The following IBA57 variants were observed in gnomAD, a reference collection of about 807,000 sequenced individuals.
IBA57 encodes iron-sulfur cluster assembly factor IBA57, mitochondrial.
A neutral mutation model predicts 20.4 loss-of-function variants in IBA57; 20 were observed. The observed-to-expected ratio is 0.98, with a 90% CI of 0.69 to 1.42. The LOEUF (loss-of-function observed/expected upper bound fraction) is 1.42. Ranked by LOEUF, IBA57 falls within the 40% of genes most tolerant of loss-of-function variation. The pLI is 0.00. For synonymous variants in IBA57, 310 were observed against 233.9 expected, an observed-to-expected ratio of 1.33 and a Z score of -2.97; for missense variants, 608 against 499.3, an observed-to-expected ratio of 1.22 and a Z score of -2.07.
rs999576080 is a variant in IBA57, at chr1:228,169,255, C to A, written c.341+3098C>A. ...TCTGGTCATTCCCTGCCCATCATTC[C>A]TTTATGGTTTTTTCCTGACTGTAGG... is the stretch of plus-strand genomic sequence containing the variant. On this transcript the variant is annotated intron_variant, in intron 1 of 2. Coordinates refer to ENST00000366711, the MANE Select transcript of IBA57 (RefSeq NM_001010867.4). 7.2e-5 allele frequency among the ~76,000 whole-genome samples: 11 copies of A among 152,162 alleles called. No homozygotes were observed. The South Asian group carries it at 1.2e-3, about 17-fold the overall frequency.
rs772067451 is a variant in IBA57, at chr1:228,174,776, A to G, written c.426A>G (p.Leu142=). 4.1e-5 allele frequency: 66 copies of G among 1,610,402 alleles called. No homozygotes were observed. Among genetic ancestry groups the G allele is most frequent in the Admixed American group, 6.7e-5 (4 of 59,888 alleles). Residue 142 remains leucine (L), a synonymous_variant, in exon 2 of 3, where the codon CTA becomes CTG. Coordinates refer to ENST00000366711, the MANE Select transcript of IBA57 (RefSeq NM_001010867.4). The part of the protein sequence containing the change: ...VQGALQKHLA[L]YRIRRKVTVE... ...GCGCGCTGCAGAAGCACCTCGCGCTATACAGGATCCGGCGGAAGGTCACGG... is the reference window on the plus strand; with the variant it reads ...GCGCGCTGCAGAAGCACCTCGCGCTGTACAGGATCCGGCGGAAGGTCACGG...
chr1:228,166,743 C>T (rs980741940), intron 1 of IBA57, among the ~76,000 whole-genome samples: 2 of 152,214 alleles, frequency 1.3e-5, no homozygotes, highest in Non-Finnish European at 2.9e-5. Flanking sequence ...CATGCCGGGT[C>T]AGGGCCTTGA....
Position 228,176,626 on chromosome 1 carries a change from G to C in IBA57, c.*1113G>C, listed in dbSNP as rs142744161. On this transcript the variant is annotated 3_prime_UTR_variant, in exon 3 of 3. Transcript: ENST00000366711. The stretch of plus-strand genomic sequence containing the variant: ...CTGTCGGCTGCAGGGCGCAGGGCCT[G>C]GGGGGCAGGCGTTTGGGCCACCAAG... 1 of 152,532 alleles carries C rather than the reference G, an allele frequency of 6.6e-6. No individual in the cohort carries two copies. Among genetic ancestry groups the C allele is most frequent in the East Asian group, 1.9e-4 (1 of 5,188 alleles). 9.4% of individuals were successfully genotyped at this position (152,532 alleles called of 1,614,324 possible). A position where few individuals can be genotyped will look rare whatever the true frequency, so the allele number is the denominator to read the frequency against.
chr1:228,174,993 G>C lies in IBA57; in HGVS notation c.643G>C (p.Asp215His). Residue 215 changes from aspartate to histidine, a missense_variant, in exon 2 of 3, where the codon GAC (aspartate) becomes CAC (histidine). Physicochemically the swap from Asp to His is moderately conservative, Grantham distance 81. Transcript: ENST00000366711. ...CCTGGTGCCCGGGGGCCGGCTCGGGGACTTGTGGGATTATCACCAGCACCG... is the reference window on the plus strand; with the variant it reads ...CCTGGTGCCCGGGGGCCGGCTCGGGCACTTGTGGGATTATCACCAGCACCG... ...PALVPGGRLG[D>H]LWDYHQHRYL... 6.5e-7 allele frequency: 1 copy of C among 1,548,662 alleles called. No individual in the cohort carries two copies. Among genetic ancestry groups the C allele is most frequent in the East Asian group, 2.3e-5 (1 of 44,148 alleles).
chr1:228,181,430 C>T lies in IBA57; in HGVS notation c.*5917C>T, dbSNP rs964170601. 1.3e-5 allele frequency: 2 copies of T among 152,332 alleles called. No individual in the cohort carries two copies. Among genetic ancestry groups the T allele is most frequent in the Non-Finnish European group, 2.9e-5 (2 of 68,132 alleles). 9.4% of individuals were successfully genotyped at this position (152,332 alleles called of 1,614,324 possible). A position where few individuals can be genotyped will look rare whatever the true frequency, so the allele number is the denominator to read the frequency against. ...TCCATCAGGGCTCACCTGGAGCCGTCCCTGTCTCACCTGGAAGCTCTCCCA... is the reference window on the plus strand; with the variant it reads ...TCCATCAGGGCTCACCTGGAGCCGTTCCTGTCTCACCTGGAAGCTCTCCCA... On this transcript the variant is annotated 3_prime_UTR_variant, in exon 3 of 3. Transcript: ENST00000366711.
At chr1:228,166,201 G>T in intron 1 of IBA57, 44 bp downstream of exon 1, 1 of 1,360,556 alleles carries the variant, frequency 7.3e-7, no homozygotes, top group Non-Finnish European at 9.6e-7. Context: ...GCACCCAGGG[G>T]AGTGGCCAGG....
In IBA57 at chr1:228,165,807, C is replaced by G. The variant is rs766551822; in HGVS notation, c.-10C>G. On this transcript the variant is annotated 5_prime_UTR_variant, in exon 1 of 3. Coordinates refer to ENST00000366711, the MANE Select transcript of IBA57 (RefSeq NM_001010867.4). ...CTTGGGCCCTTCCCGCTGCCCCACT[C>G]TTGTCCAAGATGGCGACCGCGGCGC... 45 of 1,294,280 alleles carry G rather than the reference C, an allele frequency of 3.5e-5. No individual in the cohort carries two copies. Among genetic ancestry groups the G allele is most frequent in the Non-Finnish European group, 4.3e-5 (44 of 1,024,956 alleles). The allele number at this position is 1,294,280 out of a possible 1,614,324, so 80.2% of individuals were successfully genotyped here.
At chr1:228,173,264 G>C (rs1035499168) in intron 1 of IBA57, 1 of 152,634 alleles carries the variant, frequency 6.6e-6, no homozygotes, top group African/African-American at 2.4e-5. Context: ...TCTTGGGCTT[G>C]TCTCTGGAAG....
chr1:228,165,998 T>C lies in IBA57; in HGVS notation c.182T>C (p.Val61Ala). The C allele has an allele frequency of 4.6e-6, 7 of 1,528,830 alleles. No homozygotes were observed. The highest frequency in any genetic ancestry group is 3.6e-5 in the South Asian group (3 of 82,692). The allele number at this position is 1,528,830 out of a possible 1,614,324, so 94.7% of individuals were successfully genotyped here. A position where few individuals can be genotyped will look rare whatever the true frequency, so the allele number is the denominator to read the frequency against. The change falls in exon 1 of 3, where the codon GTG (valine) becomes GCG (alanine). Residue 61 changes from valine to alanine, a missense_variant. By Grantham distance (64) the Val-to-Ala change is moderately conservative (BLOSUM62 0). Coordinates refer to ENST00000366711, the MANE Select transcript of IBA57 (RefSeq NM_001010867.4). Reference sequence around the variant, plus strand: ...CTGGACGGGCGCACCCTGCTGCGCGTGCGTGGCCCCGACGCGGCGCCCTTC... The same window carrying C: ...CTGGACGGGCGCACCCTGCTGCGCGCGCGTGGCCCCGACGCGGCGCCCTTC... Reference protein sequence around the residue: ...FRLDGRTLLRVRGPDAAPFLL... With the variant: ...FRLDGRTLLRARGPDAAPFLL...
rs56835417 is a variant in IBA57 at position 228,167,355 on chromosome 1, C to CTT, written c.341+1215_341+1216dup. Among the ~76,000 whole-genome samples the CTT allele has an allele frequency of 2.0e-3, 252 of 123,604 alleles. 1 individual carries two copies. The East Asian group carries it at 0.033, about 16-fold the overall frequency. The allele number at this position is 123,604 out of a possible 152,430, so 81.1% of individuals were successfully genotyped here. A position where few individuals can be genotyped will look rare whatever the true frequency, so the allele number is the denominator to read the frequency against. ...TTGGATTCCAGGTGGTCTGGGGCTT[C>CTT]TTTTTTTTTTTTTTTTTTGAGACGG... On this transcript the variant is annotated intron_variant, in intron 1 of 2. Coordinates refer to ENST00000366711, the MANE Select transcript of IBA57 (RefSeq NM_001010867.4).
rs112980467 is a variant in IBA57 at position 228,176,764 on chromosome 1, G to C, written c.*1251G>C. Reference sequence around the variant, plus strand: ...GCAGCCATGGCGGTTTTGGGGTCAGGGGTCTAAAGGCAGCTCTGAGCTGCA... The same window carrying C: ...GCAGCCATGGCGGTTTTGGGGTCAGCGGTCTAAAGGCAGCTCTGAGCTGCA... On this transcript the variant is annotated 3_prime_UTR_variant, in exon 3 of 3. Coordinates refer to ENST00000366711, the MANE Select transcript of IBA57 (RefSeq NM_001010867.4). 3 of 152,340 alleles carry C rather than the reference G, an allele frequency of 2.0e-5. No individual in the cohort carries two copies. The highest frequency in any genetic ancestry group is 4.4e-5 in the Non-Finnish European group (3 of 68,126). The allele number at this position is 152,340 out of a possible 1,614,324, so 9.4% of individuals were successfully genotyped here.
intron 1 of IBA57, 89 bp from the exon 2 acceptor site, chr1:228,174,603 C>T: frequency 7.9e-7 from 1 of 1,268,504 alleles, no homozygotes; most frequent in Non-Finnish European, 1.1e-6. Flanking sequence ...GTGTGCTCCT[C>T]TGCCCGGGTA....
At position 228,178,766 on chromosome 1, in the gene IBA57, C is replaced by T. The variant is rs866718866; in HGVS notation, c.*3253C>T. 27 of 152,256 alleles carry T rather than the reference C, an allele frequency of 1.8e-4. No individual in the cohort carries two copies. Among genetic ancestry groups the T allele is most frequent in the African/African-American group, 6.3e-4 (26 of 41,456 alleles). 9.4% of individuals were successfully genotyped at this position (152,256 alleles called of 1,614,324 possible). A position where few individuals can be genotyped will look rare whatever the true frequency, so the allele number is the denominator to read the frequency against. On this transcript the variant is annotated 3_prime_UTR_variant, in exon 3 of 3. Transcript: ENST00000366711. ...ATCTTCTAATCCCCAAGGAGACAAG[C>T]TCCCTGTTCTGTGTTCTTGTATGAG...
At chr1:228,171,013 C>T (rs1053594333) in intron 1 of IBA57, among the ~76,000 whole-genome samples, 5 of 152,192 alleles carry the variant, frequency 3.3e-5, no homozygotes, top group Admixed American at 1.3e-4. Flanking sequence ...CTTCTGGGCT[C>T]AGCAAACAAA....
chr1:228,165,858 C>T lies in IBA57; in HGVS notation c.42C>T (p.Arg14=). ...TGCTTCGAGGCGCCACTCCGGGGCG[C>T]GGCGGCCCGGTCTGGCGCTGGCGGC... The part of the protein sequence containing the change: ...AALLRGATPG[R]GGPVWRWRLR... The change falls in exon 1 of 3, where the codon CGC becomes CGT. Residue 14 remains arginine (R), a synonymous_variant. Transcript: ENST00000366711. The T allele has an allele frequency of 7.6e-7, 1 of 1,309,120 alleles. No homozygotes were observed. The highest frequency in any genetic ancestry group is 3.1e-5 in the East Asian group (1 of 31,976). 81.1% of individuals were successfully genotyped at this position (1,309,120 alleles called of 1,614,324 possible).
rs1365509052 is a variant in IBA57, at chr1:228,182,180, AT to A, written c.*6669del. On this transcript the variant is annotated 3_prime_UTR_variant, in exon 3 of 3. Coordinates refer to ENST00000366711, the MANE Select transcript of IBA57 (RefSeq NM_001010867.4). ...CTGAGCTCTGGTCCATCTTTCATTG[AT>A]TCATTCATTTCTTCATTCATTCAAC... 7.3e-6 allele frequency: 1 copy of A among 136,698 alleles called. No homozygotes were observed. The highest frequency in any genetic ancestry group is 2.2e-4 in the East Asian group (1 of 4,500). The allele number at this position is 136,698 out of a possible 1,614,324, so 8.5% of individuals were successfully genotyped here.
At position 228,166,031 on chromosome 1, in the gene IBA57, G is replaced by A. The variant is rs1420144150; in HGVS notation, c.215G>A (p.Gly72Glu). ...RGPDAAPFLL[G>E]LLTNELPLPS... ...CCCGACGCGGCGCCCTTCCTGCTAG[G>A]GCTGCTGACCAATGAACTGCCGCTT... The change falls in exon 1 of 3, where the codon GGG (glycine) becomes GAG (glutamate). Residue 72 changes from glycine to glutamate, a missense_variant. By Grantham distance (98) the Gly-to-Glu change is moderately conservative. Coordinates refer to ENST00000366711, the MANE Select transcript of IBA57 (RefSeq NM_001010867.4). 1.3e-6 allele frequency: 2 copies of A among 1,537,796 alleles called. No individual in the cohort carries two copies. The highest frequency in any genetic ancestry group is 3.9e-5 in the Admixed American group (2 of 51,290).
chr1:228,170,552 C>G lies in IBA57; in HGVS notation c.342-4140C>G, dbSNP rs553964226. On this transcript the variant is annotated intron_variant, in intron 1 of 2. Transcript: ENST00000366711. The surrounding 1 kb of genome is among the most constrained non-coding windows in gnomAD (Gnocchi z 4.8). ...AGGCGATTCTCCTGCCTCAGCTTCA[C>G]AAAGTGTTGGGATTGCGGGCATGAG... 3.0e-4 allele frequency among the ~76,000 whole-genome samples: 45 copies of G among 152,316 alleles called. No homozygotes were observed. In the South Asian group the frequency reaches 9.1e-3, roughly 31 times the overall value.
chr1:228,167,969 T>C (rs1400845859), intron 1 of IBA57, among the ~76,000 whole-genome samples: 1 of 152,220 alleles, frequency 6.6e-6, no homozygotes, highest in African/African-American at 2.4e-5. Flanking sequence ...CCTTCCATAT[T>C]TCTATAGTCC....
Sources: allele counts gnomAD v4.1 joint callset (sites outside exome capture counted in the v4.1 genomes callset), GRCh38; gene constraint gnomAD v4.1.1; non-coding constraint Gnocchi (gnomAD v3.1); transcripts MANE v1.5; gene names NCBI Gene and HGNC (gene_info 2026-07-23, HGNC 2026-07-21).